ANP32E: variants seen among roughly 807,000 people sequenced by gnomAD.
ANP32E encodes acidic leucine-rich nuclear phosphoprotein 32 family member E.
In ANP32E, 14 loss-of-function variants were observed where a neutral mutation model predicts 35.3. The observed-to-expected ratio is 0.40, with a 90% CI of 0.26 to 0.62. The LOEUF (loss-of-function observed/expected upper bound fraction) is 0.62. Among genes scored for constraint, ANP32E ranks in the 20% least tolerant of loss-of-function variants. ANP32E has a pLI of 0.45. For missense variants in ANP32E, 198 were observed against 304.4 expected, an observed-to-expected ratio of 0.65 and a Z score of 2.60; for synonymous variants, 89 against 110.4, an observed-to-expected ratio of 0.81 and a Z score of 1.22.
chr1:150,231,989 G>T, intron 1 of ANP32E, 63 bp from the exon 2 acceptor site: 1 of 1,478,254 alleles, frequency 6.8e-7, no homozygotes, highest in Non-Finnish European at 9.2e-7. Flanking sequence ...GTAGAGACCT[G>T]GGTCTTGACA....
At chr1:150,230,448 C>T in intron 3 of ANP32E, 123 bp downstream of exon 3, 1 of 881,938 alleles carries the variant, frequency 1.1e-6, no homozygotes, top group Non-Finnish European at 1.6e-6. Context: ...CAGTAACTGC[C>T]TAGATCACAA....
intron 2 of ANP32E, 33 bp from the exon 3 acceptor site, chr1:150,230,726 G>A (rs1553841500): frequency 1.3e-6 from 2 of 1,578,354 alleles, no homozygotes. Flanking sequence ...AACAAAGAAT[G>A]GTAAAGGTAT....
chr1:150,235,892 C>T lies in ANP32E; in HGVS notation c.-106G>A. 1 of 784,726 alleles carries T rather than the reference C, an allele frequency of 1.3e-6. No individual in the cohort carries two copies. Among genetic ancestry groups the T allele is most frequent in the East Asian group, 2.7e-5 (1 of 36,992 alleles). The allele number at this position is 784,726 out of a possible 1,614,324, so 48.6% of individuals were successfully genotyped here. ...AGATTTAGAAATGAATGAAAAGGAA[C>T]GCAAATATAAACGCCCACTACCACC... On this transcript the variant is annotated 5_prime_UTR_variant, in exon 1 of 7. Transcript: ENST00000583931. The surrounding 1 kb of genome is among the most constrained non-coding windows in gnomAD (Gnocchi z 4.2).
Position 150,231,889 on chromosome 1 carries a change from T to C in ANP32E, c.92A>G (p.Asn31Ser), listed in dbSNP as rs782794752. The C allele has an allele frequency of 1.6e-5, 25 of 1,612,566 alleles. No individual in the cohort carries two copies. Among genetic ancestry groups the C allele is most frequent in the South Asian group, 2.2e-5 (2 of 90,718 alleles). ...ATCATTCAGGCCTTCAATTTCCCCA[T>C]TGACACACAGGCAATTATCAAGGAC... is the stretch of plus-strand genomic sequence containing the variant. ...ELVLDNCLCV[N>S]GEIEGLNDTF... The change falls in exon 2 of 7, where the codon AAT becomes AGT. Residue 31 changes from asparagine to serine, a missense_variant. By Grantham distance (46) the Asn-to-Ser change is conservative. Coordinates refer to ENST00000583931, the MANE Select transcript of ANP32E (RefSeq NM_030920.5).
At chr1:150,228,987 C>G in intron 4 of ANP32E, 85 bp downstream of exon 4, 1 of 1,256,442 alleles carries the variant, frequency 8.0e-7, no homozygotes, top group Non-Finnish European at 1.1e-6. Context: ...TTTTTTCACA[C>G]CTAAATTTCC....
intron 3 of ANP32E, among the ~76,000 whole-genome samples, chr1:150,229,581 C>A (rs895217450): frequency 2.0e-5 from 3 of 152,276 alleles, no homozygotes; most frequent in South Asian, 2.1e-4. Flanking sequence ...CGGGTTCAAG[C>A]GATTCTCCTG....
chr1:150,235,642 T>C lies in ANP32E; in HGVS notation c.54+91A>G. The C allele has an allele frequency of 6.8e-7, 1 of 1,464,430 alleles. No individual in the cohort carries two copies. Among genetic ancestry groups the C allele is most frequent in the Non-Finnish European group, 9.5e-7 (1 of 1,056,688 alleles). The allele number at this position is 1,464,430 out of a possible 1,614,324, so 90.7% of individuals were successfully genotyped here. On this transcript the variant is annotated intron_variant, in intron 1 of 6. Coordinates refer to ENST00000583931, the MANE Select transcript of ANP32E (RefSeq NM_030920.5). This position sits in a 1 kb window ranked among gnomAD's most constrained non-coding sequence, Gnocchi z 4.2. ...GGGGGGATGGGGGCTAACTTATTACTCCATCCCCGCACACCCACCCAGGAC... is the reference window on the plus strand; with the variant it reads ...GGGGGGATGGGGGCTAACTTATTACCCCATCCCCGCACACCCACCCAGGAC...
At position 150,236,041 on chromosome 1, in the gene ANP32E, C is replaced by T. The variant is rs781985136; in HGVS notation, c.-255G>A. 3.8e-6 allele frequency: 2 copies of T among 529,210 alleles called. No individual in the cohort carries two copies. The highest frequency in any genetic ancestry group is 4.2e-5 in the South Asian group (2 of 48,138). The allele number at this position is 529,210 out of a possible 1,614,324, so 32.8% of individuals were successfully genotyped here. ...GCGCGCACACACACGCACGCACGCGCGCACACACATACACACACACATACA... is the reference window on the plus strand; with the variant it reads ...GCGCGCACACACACGCACGCACGCGTGCACACACATACACACACACATACA... On this transcript the variant is annotated 5_prime_UTR_variant, in exon 1 of 7. Coordinates refer to ENST00000583931, the MANE Select transcript of ANP32E (RefSeq NM_030920.5).
rs1194547520 is a variant in ANP32E, at chr1:150,235,858, AT to A, written c.-73del. On this transcript the variant is annotated 5_prime_UTR_variant, in exon 1 of 7. Transcript: ENST00000583931. The surrounding 1 kb of genome is among the most constrained non-coding windows in gnomAD (Gnocchi z 4.2). ...CCTTCCCCAATACCCCCAACCCAAA[AT>A]TTTTAAGAGATTTAGAAATGAATGA... 2 of 1,101,212 alleles carry A rather than the reference AT, an allele frequency of 1.8e-6. No individual in the cohort carries two copies. The highest frequency in any genetic ancestry group is 2.7e-6 in the Non-Finnish European group (2 of 740,058). 68.2% of individuals were successfully genotyped at this position (1,101,212 alleles called of 1,614,324 possible).
chr1:150,232,134 G>A, intron 1 of ANP32E, among the ~76,000 whole-genome samples: 1 of 151,738 alleles, frequency 6.6e-6, no homozygotes, highest in South Asian at 2.1e-4. Flanking sequence ...CACGAGGTCA[G>A]GAGATCGAGA....
chr1:150,227,318 T>G (rs1225939921), intron 4 of ANP32E, among the ~76,000 whole-genome samples: 1 of 152,128 alleles, frequency 6.6e-6, no homozygotes, highest in Non-Finnish European at 1.5e-5. Flanking sequence ...ACAGCACTAT[T>G]CACAATATCA....
chr1:150,234,741 T>G, intron 1 of ANP32E: 1 of 912,438 alleles, frequency 1.1e-6, no homozygotes, highest in Non-Finnish European at 1.3e-6. Flanking sequence ...CAACCCGCGT[T>G]GTCCTCGCGC....
At chr1:150,226,012 T>TTG (rs1553839834) in intron 5 of ANP32E, among the ~76,000 whole-genome samples, 1 of 150,720 alleles carries the variant, frequency 6.6e-6, no homozygotes, top group East Asian at 1.9e-4. Flanking sequence ...AACCTGTTTT[T>TTG]TTTTTTTTTT....
Position 150,225,665 on chromosome 1 carries a change from T to TCAAAAAAAAAAAAAAAAAAAAA in ANP32E, c.681+942_681+943insTTTTTTTTTTTTTTTTTTTTTG, listed in dbSNP as rs1339242877. ...CAGCCTGGGCAACAGAGTGAGACTG[T>TCAAAAAAAAAAAAAAAAAAAAA]AACAAAAAAAAAAAAAAAAAAAAAA... On this transcript the variant is annotated intron_variant, in intron 5 of 6. Coordinates refer to ENST00000583931, the MANE Select transcript of ANP32E (RefSeq NM_030920.5). 4.8e-5 allele frequency among the ~76,000 whole-genome samples: 4 copies of TCAAAAAAAAAAAAAAAAAAAAA among 83,536 alleles called. 2 individuals carry two copies. The highest frequency in any genetic ancestry group is 3.2e-4 in the Admixed American group (2 of 6,192). 54.8% of individuals were successfully genotyped at this position (83,536 alleles called of 152,430 possible). A position where few individuals can be genotyped will look rare whatever the true frequency, so the allele number is the denominator to read the frequency against.
chr1:150,235,668 C>T lies in ANP32E; in HGVS notation c.54+65G>A. 6.2e-7 allele frequency: 1 copy of T among 1,605,374 alleles called. No individual in the cohort carries two copies. The highest frequency in any genetic ancestry group is 1.3e-5 in the African/African-American group (1 of 74,828). Reference sequence around the variant, plus strand: ...CCATCCCCGCACACCCACCCAGGACCACCAGAAATCCGATCCTCAGAATAC... The same window carrying T: ...CCATCCCCGCACACCCACCCAGGACTACCAGAAATCCGATCCTCAGAATAC... On this transcript the variant is annotated intron_variant, in intron 1 of 6. Transcript: ENST00000583931. The surrounding 1 kb of genome is among the most constrained non-coding windows in gnomAD (Gnocchi z 4.2).
intron 2 of ANP32E, among the ~76,000 whole-genome samples, chr1:150,230,953 G>A (rs1649305223): frequency 1.3e-5 from 2 of 152,104 alleles, no homozygotes; most frequent in Non-Finnish European, 2.9e-5. Context: ...ATGTTAGCCA[G>A]GCTGGTCTCG....
chr1:150,223,979 A>T (rs113634253), intron 5 of ANP32E, among the ~76,000 whole-genome samples: 1 of 151,966 alleles, frequency 6.6e-6, no homozygotes, highest in Non-Finnish European at 1.5e-5. Flanking sequence ...TCCCGACCTC[A>T]AGTGATCCGC....
intron 5 of ANP32E, among the ~76,000 whole-genome samples, chr1:150,225,784 T>A (rs976223903): frequency 1.3e-5 from 2 of 149,664 alleles, no homozygotes; most frequent in African/African-American, 4.9e-5. Flanking sequence ...TGATGTATAA[T>A]CACATTTGCA....
At chr1:150,228,969 T>C (rs1221551734) in intron 4 of ANP32E, 103 bp downstream of exon 4, 1 of 997,118 alleles carries the variant, frequency 1.0e-6, no homozygotes, top group African/African-American at 1.7e-5. Flanking sequence ...TATCTTGTTG[T>C]GGATTTTTTT....
Sources: allele counts gnomAD v4.1 joint callset (sites outside exome capture counted in the v4.1 genomes callset), GRCh38; gene constraint gnomAD v4.1.1; non-coding constraint Gnocchi (gnomAD v3.1); transcripts MANE v1.5; gene names NCBI Gene and HGNC (gene_info 2026-07-23, HGNC 2026-07-21).